The following DLG2 variants were observed in gnomAD, a reference collection of about 807,000 sequenced individuals.
DLG2 encodes the protein discs large MAGUK scaffold protein 2, also known as disks large homolog 2.
A neutral mutation model predicts 132.5 loss-of-function variants in DLG2; 45 were observed. That is an observed-to-expected ratio of 0.34 (90% CI 0.27 to 0.44). The LOEUF is 0.44. Ranked by LOEUF, DLG2 falls within the 20% of genes least tolerant of loss-of-function variation. The pLI is 1.00. For missense variants in DLG2, 1,045 were observed against 1,196.9 expected (o/e 0.87, Z 1.87); for synonymous variants, 424 against 419.6 (o/e 1.01, Z -0.13).
chr11:83,872,065 A>AC (rs2063558666), intron 16 of DLG2, among the ~76,000 whole-genome samples: 2 of 152,106 alleles, frequency 1.3e-5, no homozygotes, highest in South Asian at 4.1e-4. Flanking sequence ...GGCGTTTGAG[A>AC]CCAGCCTGGC....
chr11:84,058,321 T>G (rs1294851415), intron 11 of DLG2, among the ~76,000 whole-genome samples: 2 of 151,922 alleles, frequency 1.3e-5, no homozygotes, highest in Non-Finnish European at 2.9e-5. Context: ...TACTACTTAA[T>G]GTCATCATTC....
chr11:83,844,161 A>C (rs1035061009), intron 16 of DLG2, among the ~76,000 whole-genome samples: 1 of 152,166 alleles, frequency 6.6e-6, no homozygotes, highest in Non-Finnish European at 1.5e-5. Flanking sequence ...GCTACACCCC[A>C]AACAAAAGGA....
At chr11:84,960,763 G>A (rs540131285) in intron 6 of DLG2, among the ~76,000 whole-genome samples, 6 of 151,966 alleles carry the variant, frequency 3.9e-5, no homozygotes, top group Middle Eastern at 3.4e-3. Context: ...TTTTCACTCC[G>A]AGAAAAGAAG....
rs35162888 is a variant in DLG2, at chr11:84,190,174, C to CAA, written c.574-26665_574-26664dup. Among the ~76,000 whole-genome samples, 45 of 132,118 alleles carry CAA rather than the reference C, an allele frequency of 3.4e-4. 1 individual carries two copies. The highest frequency in any genetic ancestry group is 1.1e-3 in the African/African-American group (42 of 36,764). The allele number at this position is 132,118 out of a possible 152,430, so 86.7% of individuals were successfully genotyped here. On this transcript the variant is annotated intron_variant, in intron 8 of 27. Transcript: ENST00000376104. Reference sequence around the variant, plus strand: ...TGCTTAGTCTAGAAAGTTAAGTAGTCAAAAAAAAAAAAGTGAATTGGAGAG... The same window carrying CAA: ...TGCTTAGTCTAGAAAGTTAAGTAGTCAAAAAAAAAAAAAAGTGAATTGGAGAG...
At chr11:85,613,710 T>C (rs1430908035) in intron 2 of DLG2, among the ~76,000 whole-genome samples, 1 of 152,048 alleles carries the variant, frequency 6.6e-6, no homozygotes, top group Non-Finnish European at 1.5e-5. Flanking sequence ...GACCAATCAG[T>C]AGGATGTGGG....
intron 3 of DLG2, among the ~76,000 whole-genome samples, chr11:85,574,189 A>G (rs1011136553): frequency 6.6e-6 from 1 of 151,948 alleles, no homozygotes; most frequent in Non-Finnish European, 1.5e-5. Context: ...TTTTCATATT[A>G]TTGCGCATTT....
chr11:85,564,436 G>A (rs530038145), intron 3 of DLG2, among the ~76,000 whole-genome samples: 1 of 151,918 alleles, frequency 6.6e-6, no homozygotes, highest in South Asian at 2.1e-4. Flanking sequence ...AACATGATAT[G>A]CCCAAAGTTC....
intron 9 of DLG2, among the ~76,000 whole-genome samples, chr11:84,154,518 CT>C (rs1486188422): frequency 1.3e-5 from 2 of 152,232 alleles, no homozygotes; most frequent in South Asian, 2.1e-4. Context: ...ACTTTTAATA[CT>C]TTAAGTTCTA....
In DLG2 at chr11:85,517,299, A is replaced by G. The variant is rs1030108022; in HGVS notation, c.40+81358T>C. 2.6e-5 allele frequency among the ~76,000 whole-genome samples: 4 copies of G among 152,290 alleles called. No homozygotes were observed. The South Asian group carries it at 8.3e-4, about 32-fold the overall frequency. On this transcript the variant is annotated intron_variant, in intron 3 of 27. Coordinates refer to ENST00000376104, the MANE Select transcript of DLG2 (RefSeq NM_001142699.3). Reference sequence around the variant, plus strand: ...AACATACCTCAAAATAATAAAAGCCATATATGATGAACCTATAGCCAATGT... The same window carrying G: ...AACATACCTCAAAATAATAAAAGCCGTATATGATGAACCTATAGCCAATGT...
intron 12 of DLG2, among the ~76,000 whole-genome samples, chr11:83,973,334 AAG>A (rs2091674889): frequency 6.6e-6 from 1 of 152,144 alleles, no homozygotes; most frequent in Non-Finnish European, 1.5e-5. Flanking sequence ...CAAAATAAAA[AAG>A]AGTGCAATAG....
At chr11:83,661,409 TTGAAA>T (rs2074240935) in intron 18 of DLG2, among the ~76,000 whole-genome samples, 1 of 152,124 alleles carries the variant, frequency 6.6e-6, no homozygotes, top group Non-Finnish European at 1.5e-5. Flanking sequence ...AAAAAATAAA[TTGAAA>T]TAACAAAGGA....
chr11:84,121,654 C>T (rs928799466), intron 9 of DLG2, among the ~76,000 whole-genome samples: 8 of 147,632 alleles, frequency 5.4e-5, no homozygotes, highest in Non-Finnish European at 1.2e-4. Flanking sequence ...TTCCGCCTCC[C>T]GGGTTCACGC....
chr11:84,735,264 G>A lies in DLG2; in HGVS notation c.358-200533C>T, dbSNP rs188936323. On this transcript the variant is annotated intron_variant, in intron 6 of 27. Coordinates refer to ENST00000376104, the MANE Select transcript of DLG2 (RefSeq NM_001142699.3). ...TAGAATTTGGCTGTGAATCCGTCTG[G>A]TCCTGGACTTTTTTGGTTGGTAGGC... Among the ~76,000 whole-genome samples, 1,059 of 152,168 alleles carry A rather than the reference G, an allele frequency of 7.0e-3. 14 individuals carry two copies. Among genetic ancestry groups the A allele is most frequent in the African/African-American group, 0.023 (961 of 41,520 alleles).
At chr11:84,173,801 C>CA (rs2095875450) in intron 8 of DLG2, among the ~76,000 whole-genome samples, 1 of 152,096 alleles carries the variant, frequency 6.6e-6, no homozygotes, top group African/African-American at 2.4e-5. Flanking sequence ...TTTGCCCTGG[C>CA]TTTCATACAG....
intron 6 of DLG2, among the ~76,000 whole-genome samples, chr11:84,801,513 G>C (rs2075374611): frequency 1.3e-5 from 2 of 152,192 alleles, no homozygotes; most frequent in South Asian, 2.1e-4. Flanking sequence ...AGTGAGCGGA[G>C]ATGCACCACT....
chr11:84,030,750 T>C (rs909155010), intron 11 of DLG2, among the ~76,000 whole-genome samples: 1 of 152,112 alleles, frequency 6.6e-6, no homozygotes, highest in Non-Finnish European at 1.5e-5. Context: ...TTCTTCTACC[T>C]GAAAACAGAA....
At chr11:84,105,248 G>T (rs2092821040) in intron 9 of DLG2, among the ~76,000 whole-genome samples, 1 of 152,128 alleles carries the variant, frequency 6.6e-6, no homozygotes, top group South Asian at 2.1e-4. Flanking sequence ...GAAAAACATA[G>T]ATCTGGGTCG....
intron 18 of DLG2, among the ~76,000 whole-genome samples, chr11:83,668,730 T>TATATATGTGTATATAAACACAC (rs1566432438): frequency 1.4e-5 from 1 of 72,566 alleles, no homozygotes; most frequent in African/African-American, 6.3e-5. Context: ...TATAAACACA[T>TATATATGTGTATATAAACACAC]ATATATGTGT....
chr11:84,224,618 A>G (rs1420198664), intron 8 of DLG2, among the ~76,000 whole-genome samples: 1 of 152,056 alleles, frequency 6.6e-6, no homozygotes, highest in Non-Finnish European at 1.5e-5. Context: ...TATTATTATT[A>G]CCCCCAACTC....
Sources: gnomAD v4.1 joint callset for allele counts (sites outside exome capture counted in the v4.1 genomes callset) on GRCh38, gnomAD v4.1.1 for gene constraint, MANE v1.5 for transcripts, NCBI Gene and HGNC (gene_info 2026-07-23, HGNC 2026-07-21) for gene names.